GRM7: variants seen among roughly 807,000 people sequenced by gnomAD.
The protein encoded by GRM7 is glutamate metabotropic receptor 7.
Under a neutral mutation model 84.5 loss-of-function variants are expected in GRM7, and 35 were observed. The observed-to-expected ratio is 0.41, with a 90% CI of 0.32 to 0.55. The LOEUF is 0.55. GRM7 is among the 20% of genes least tolerant of loss of function. GRM7 has a pLI of 0.19. For synonymous variants in GRM7, 487 were observed against 455.1 expected (o/e 1.07, Z -0.89); for missense variants, 1,003 against 1,194.6 (o/e 0.84, Z 2.36).
chr3:6,960,037 T>C (rs1464143366), intron 1 of GRM7, among the ~76,000 whole-genome samples: 1 of 152,160 alleles, frequency 6.6e-6, no homozygotes, highest in Admixed American at 6.5e-5. Flanking sequence ...TATCAATAGG[T>C]CCTCCAAACC....
intron 8 of GRM7, among the ~76,000 whole-genome samples, chr3:7,582,868 A>G (rs1695329009): frequency 6.6e-6 from 1 of 152,146 alleles, no homozygotes; most frequent in African/African-American, 2.4e-5. Context: ...CTGCTTCAAC[A>G]GGTCTGGAAT....
At chr3:7,473,428 AC>A (rs1352789964) in intron 7 of GRM7, among the ~76,000 whole-genome samples, 7 of 151,286 alleles carry the variant, frequency 4.6e-5, no homozygotes, top group African/African-American at 1.7e-4. Flanking sequence ...ATGAGCTATG[AC>A]TGCACTGCTG....
chr3:7,197,178 AC>A (rs1010239460), intron 2 of GRM7, among the ~76,000 whole-genome samples: 64 of 152,276 alleles, frequency 4.2e-4, no homozygotes, highest in African/African-American at 1.5e-3. Flanking sequence ...TGGTTAACCA[AC>A]AAATAGCTGG....
intron 1 of GRM7, among the ~76,000 whole-genome samples, chr3:7,000,478 C>T (rs114811403): frequency 0.013 from 2,047 of 152,196 alleles, 35 homozygotes; most frequent in African/African-American, 0.046. Flanking sequence ...TGAGCCACCT[C>T]GCCCGGGCGA....
At chr3:7,081,239 T>C (rs953700150) in intron 1 of GRM7, among the ~76,000 whole-genome samples, 2 of 152,076 alleles carry the variant, frequency 1.3e-5, no homozygotes, top group Admixed American at 1.3e-4. Context: ...GCAAGTCCAT[T>C]TCCTAACACC....
intron 7 of GRM7, among the ~76,000 whole-genome samples, chr3:7,572,823 AATAT>A (rs1158871205): frequency 0.01 from 126 of 12,268 alleles, no homozygotes; most frequent in Admixed American, 0.022. Context: ...CTCTATCTCA[AATAT>A]ATATATATAT....
intron 8 of GRM7, among the ~76,000 whole-genome samples, chr3:7,579,688 C>G (rs1695153824): frequency 6.6e-6 from 1 of 151,812 alleles, no homozygotes; most frequent in African/African-American, 2.4e-5. Context: ...TCCACTTACC[C>G]ACATATTTTT....
At chr3:7,581,312 T>A (rs1695238893) in intron 8 of GRM7, among the ~76,000 whole-genome samples, 1 of 152,076 alleles carries the variant, frequency 6.6e-6, no homozygotes, top group African/African-American at 2.4e-5. Context: ...GTGGGGAAAT[T>A]TAAGCTTTCA....
chr3:7,380,333 G>A (rs1415625074), intron 4 of GRM7, among the ~76,000 whole-genome samples: 1 of 144,056 alleles, frequency 6.9e-6, no homozygotes, highest in African/African-American at 2.6e-5. Context: ...AAACACAGAA[G>A]TTATCCTCTG....
intron 7 of GRM7, among the ~76,000 whole-genome samples, chr3:7,466,700 A>G (rs1365454796): frequency 6.6e-6 from 1 of 152,226 alleles, no homozygotes; most frequent in African/African-American, 2.4e-5. Context: ...AGTGAACTGC[A>G]TATTCTCTTA....
rs1694850721 is a variant in GRM7, at chr3:6,863,923, G to A, written c.519+2016G>A. Among the ~76,000 whole-genome samples the A allele has an allele frequency of 6.6e-6, 1 of 152,204 alleles. No homozygotes were observed. The highest frequency in any genetic ancestry group is 1.5e-5 in the Non-Finnish European group (1 of 68,046). ...CAAGAAAGGGGTTACAGACTAGGCT[G>A]AGGGACTGTGTTTGCTGAAAAATAT... On this transcript the variant is annotated intron_variant, in intron 1 of 9. Coordinates refer to ENST00000357716, the MANE Select transcript of GRM7 (RefSeq NM_000844.4). This position sits in a 1 kb window ranked among gnomAD's most constrained non-coding sequence, Gnocchi z 4.8.
intron 1 of GRM7, among the ~76,000 whole-genome samples, chr3:7,014,473 C>T (rs955283147): frequency 1.3e-5 from 2 of 152,062 alleles, no homozygotes; most frequent in Non-Finnish European, 2.9e-5. Context: ...CAAAGAGTAG[C>T]TGGGATTACA....
chr3:7,504,997 G>A (rs532414533), intron 7 of GRM7, among the ~76,000 whole-genome samples: 203 of 152,286 alleles, frequency 1.3e-3, no homozygotes, highest in African/African-American at 4.7e-3. Flanking sequence ...CTGTGAACTT[G>A]TGAAATCAAA....
At chr3:7,416,973 C>T (rs1287134670) in intron 5 of GRM7, among the ~76,000 whole-genome samples, 1 of 151,994 alleles carries the variant, frequency 6.6e-6, no homozygotes, top group Non-Finnish European at 1.5e-5. Flanking sequence ...AAGGTGGAAT[C>T]GGTTGATGGA....
At chr3:7,130,791 T>C (rs1693569847) in intron 1 of GRM7, among the ~76,000 whole-genome samples, 2 of 152,092 alleles carry the variant, frequency 1.3e-5, no homozygotes, top group African/African-American at 4.8e-5. Context: ...ATAGCAAAAG[T>C]CAGTTTCTGG....
intron 4 of GRM7, among the ~76,000 whole-genome samples, chr3:7,359,195 T>A (rs1438595653): frequency 7.0e-6 from 1 of 141,948 alleles, no homozygotes; most frequent in African/African-American, 2.8e-5. Context: ...TTCTTTGCCT[T>A]TACCATTTGG....
chr3:7,247,464 C>A (rs531144466), intron 2 of GRM7, among the ~76,000 whole-genome samples: 1 of 151,504 alleles, frequency 6.6e-6, no homozygotes, highest in Non-Finnish European at 1.5e-5. Flanking sequence ...GGACTACAGG[C>A]GGCTCACACC....
chr3:7,300,700 A>T (rs774699024), intron 3 of GRM7, among the ~76,000 whole-genome samples: 2 of 151,904 alleles, frequency 1.3e-5, no homozygotes, highest in Non-Finnish European at 2.9e-5. Context: ...CATCACCTCA[A>T]TGCTATCTCT....
At chr3:7,434,730 T>C (rs1259388228) in intron 5 of GRM7, among the ~76,000 whole-genome samples, 1 of 152,138 alleles carries the variant, frequency 6.6e-6, no homozygotes, top group Non-Finnish European at 1.5e-5. Context: ...TTTTTAATCA[T>C]GAGTATTGGT....
Sources: allele counts gnomAD v4.1 joint callset (sites outside exome capture counted in the v4.1 genomes callset), GRCh38; gene constraint gnomAD v4.1.1; non-coding constraint Gnocchi (gnomAD v3.1); transcripts MANE v1.5; gene names NCBI Gene and HGNC (gene_info 2026-07-23, HGNC 2026-07-21).